BMPR1B: variants seen among roughly 807,000 people sequenced by gnomAD.
BMPR1B encodes the protein bone morphogenetic protein receptor type 1B.
In BMPR1B, 12 loss-of-function variants were observed where a neutral mutation model predicts 59.1. The ratio of observed to expected loss-of-function variants is 0.20; its 90% confidence interval spans 0.13 to 0.33. The LOEUF is 0.33. BMPR1B is among the 10% of genes least tolerant of loss of function. BMPR1B has a pLI of 1.00. For missense variants in BMPR1B, 550 were observed against 610.9 expected (o/e 0.90, Z 1.05); for synonymous variants, 237 against 207.3 (o/e 1.14, Z -1.23).
intron 2 of BMPR1B, among the ~76,000 whole-genome samples, chr4:94,970,260 T>A (rs1452097140): frequency 1.9e-5 from 2 of 103,970 alleles, no homozygotes; most frequent in Non-Finnish European, 4.2e-5. Context: ...TCTTCTCTTC[T>A]CTTCTCTTCT....
At chr4:94,953,653 G>C (rs1730035414) in intron 2 of BMPR1B, among the ~76,000 whole-genome samples, 1 of 152,112 alleles carries the variant, frequency 6.6e-6, no homozygotes, top group African/African-American at 2.4e-5. Flanking sequence ...TTTCATTTGT[G>C]GGTAACCTGA....
chr4:94,963,940 G>A (rs534239318), intron 2 of BMPR1B, among the ~76,000 whole-genome samples: 1 of 152,110 alleles, frequency 6.6e-6, no homozygotes, highest in Admixed American at 6.6e-5. Flanking sequence ...ACATTTTAAT[G>A]ATACTGATTC....
chr4:95,147,647 G>A (rs565840761), intron 10 of BMPR1B, among the ~76,000 whole-genome samples: 3 of 152,134 alleles, frequency 2.0e-5, no homozygotes, highest in Non-Finnish European at 4.4e-5. Context: ...TTAATAATGA[G>A]TTTCTGTACC....
rs143885868 is a variant in BMPR1B, at chr4:95,104,440, G to A, written c.16G>A (p.Ala6Thr). The A allele has an allele frequency of 1.7e-5, 27 of 1,613,266 alleles. No homozygotes were observed. Among genetic ancestry groups the A allele is most frequent in the African/African-American group, 1.3e-4 (10 of 74,982 alleles). The change falls in exon 4 of 13, where the codon GCA becomes ACA. Residue 6 changes from alanine (A) to threonine (T), a missense_variant. Physicochemically the swap from Ala to Thr is moderately conservative, Grantham distance 58. Transcript: ENST00000515059. ...CCTTGATAACATGCTTTTGCGAAGT[G>A]CAGGAAAATTAAATGTGGGCACCAA... MLLRS[A>T]GKLNVGTKKE...
At chr4:94,909,596 C>T (rs1249157003) in intron 2 of BMPR1B, among the ~76,000 whole-genome samples, 5 of 152,058 alleles carry the variant, frequency 3.3e-5, no homozygotes, top group South Asian at 2.1e-4. Flanking sequence ...CTGTCATAGT[C>T]GGTCTTCTTG....
chr4:95,130,730 T>C (rs572511977), intron 9 of BMPR1B, among the ~76,000 whole-genome samples: 46 of 135,120 alleles, frequency 3.4e-4, no homozygotes, highest in East Asian at 3.1e-3. Context: ...TTTCTTTTTT[T>C]TTTTTTTTTT....
At chr4:94,838,735 A>T (rs1033210254) in intron 1 of BMPR1B, among the ~76,000 whole-genome samples, 3 of 133,956 alleles carry the variant, frequency 2.2e-5, no homozygotes, top group African/African-American at 8.6e-5. Context: ...AATTTTTTGA[A>T]GGGTTTTTTG....
intron 1 of BMPR1B, among the ~76,000 whole-genome samples, chr4:94,838,120 T>G (rs1183229393): frequency 1.4e-5 from 2 of 143,678 alleles, no homozygotes; most frequent in East Asian, 3.9e-4. Context: ...CACTTAATCA[T>G]GGTGGATAAG....
intron 2 of BMPR1B, among the ~76,000 whole-genome samples, chr4:94,943,358 C>T (rs762813574): frequency 2.2e-4 from 33 of 152,198 alleles, no homozygotes; most frequent in Non-Finnish European, 4.0e-4. Flanking sequence ...AGGCTGGTCT[C>T]GAACTCCTGC....
rs1436790629 is a variant in BMPR1B, at chr4:95,158,215, AAAAC to A, written c.*3545_*3548del. The A allele has an allele frequency of 6.6e-6, 1 of 152,204 alleles. No individual in the cohort carries two copies. The highest frequency in any genetic ancestry group is 1.5e-5 in the Non-Finnish European group (1 of 68,040). The allele number at this position is 152,204 out of a possible 1,614,324, so 9.4% of individuals were successfully genotyped here. A position where few individuals can be genotyped will look rare whatever the true frequency, so the allele number is the denominator to read the frequency against. On this transcript the variant is annotated 3_prime_UTR_variant, in exon 13 of 13. Coordinates refer to ENST00000515059, the MANE Select transcript of BMPR1B (RefSeq NM_001203.3). ...GATTCCTCTTGTAAAACAAAACAAA[AAAAC>A]AATGCCATATTTTTTGGAGAAAAGT...
intron 1 of BMPR1B, among the ~76,000 whole-genome samples, chr4:94,791,405 G>C (rs1192479223): frequency 6.6e-6 from 1 of 152,004 alleles, no homozygotes; most frequent in Non-Finnish European, 1.5e-5. Context: ...TTTTAATAGT[G>C]TTTTAACTTT....
chr4:94,769,506 G>A (rs372848129), intron 1 of BMPR1B, among the ~76,000 whole-genome samples: 2 of 152,098 alleles, frequency 1.3e-5, no homozygotes, highest in East Asian at 3.9e-4. Context: ...GCTACCTGGA[G>A]GGCTGAGGCA....
chr4:94,843,780 C>T (rs978745163), intron 1 of BMPR1B, among the ~76,000 whole-genome samples: 9 of 152,194 alleles, frequency 5.9e-5, no homozygotes, highest in Admixed American at 1.3e-4. Context: ...CCTTACGAGC[C>T]GTTTCCTCTG....
At chr4:95,036,930 A>G (rs1725292077) in intron 3 of BMPR1B, among the ~76,000 whole-genome samples, 1 of 152,028 alleles carries the variant, frequency 6.6e-6, no homozygotes, top group African/African-American at 2.4e-5. Flanking sequence ...TCAACCCTAG[A>G]TCTGGATGCT....
rs543644609 is a variant in BMPR1B, at chr4:94,796,344, G to A, written c.-183+38276G>A. ...CTTAGTAGTGTTTAGGTGAAATCAT[G>A]TTTGTGGGTTTAGCTCCATCTATCA... On this transcript the variant is annotated intron_variant, in intron 1 of 12. Transcript: ENST00000515059. 3.3e-5 allele frequency among the ~76,000 whole-genome samples: 5 copies of A among 152,310 alleles called. No homozygotes were observed. In the South Asian group the frequency reaches 6.2e-4, roughly 19 times the overall value.
At chr4:94,853,831 A>G (rs149499736) in intron 1 of BMPR1B, among the ~76,000 whole-genome samples, 1 of 152,186 alleles carries the variant, frequency 6.6e-6, no homozygotes, top group Non-Finnish European at 1.5e-5. Context: ...TTAAAAAAAA[A>G]CAAATGAATA....
At chr4:95,102,078 A>G (rs1730866617) in intron 3 of BMPR1B, among the ~76,000 whole-genome samples, 1 of 152,208 alleles carries the variant, frequency 6.6e-6, no homozygotes, top group Admixed American at 6.6e-5. Context: ...CCCATTTTAC[A>G]AATATACCTA....
Position 94,818,453 on chromosome 4 carries a change from A to C in BMPR1B, c.-182-57378A>C, listed in dbSNP as rs562365105. 2.0e-5 allele frequency among the ~76,000 whole-genome samples: 3 copies of C among 152,320 alleles called. No individual in the cohort carries two copies. In the East Asian group the frequency reaches 5.8e-4, roughly 29 times the overall value. ...CACAACTGGTTTGAGGCAGAGCTGC[A>C]TCTTGCTGGTATAGTTTTAGCTCTT... On this transcript the variant is annotated intron_variant, in intron 1 of 12. Coordinates refer to ENST00000515059, the MANE Select transcript of BMPR1B (RefSeq NM_001203.3).
At chr4:95,091,493 A>G in intron 3 of BMPR1B, 2 of 985,338 alleles carry the variant, frequency 2.0e-6, no homozygotes, top group Non-Finnish European at 2.4e-6. Context: ...TGAATAACAT[A>G]TCACAGGTGC....
Sources: gnomAD v4.1 joint callset for allele counts (sites outside exome capture counted in the v4.1 genomes callset) on GRCh38, gnomAD v4.1.1 for gene constraint, MANE v1.5 for transcripts, NCBI Gene and HGNC (gene_info 2026-07-23, HGNC 2026-07-21) for gene names.